Variants in TNKS observed in about 807,000 individuals in gnomAD.
The protein encoded by TNKS is poly [ADP-ribose] polymerase tankyrase-1.
In TNKS, 72 loss-of-function variants were observed where a neutral mutation model predicts 135.8. That is an observed-to-expected ratio of 0.53 (90% confidence interval 0.44 to 0.64). TNKS has a LOEUF of 0.64. Ranked by LOEUF, TNKS falls within the 30% of genes least tolerant of loss-of-function variation. The probability of loss-of-function intolerance (pLI) is 0.00; values close to 1 mark genes in which losing one functional copy is unlikely to be tolerated. For missense variants in TNKS, 1,769 were observed against 1,674.0 expected (o/e 1.06, Z -0.99); for synonymous variants, 849 against 649.3 (o/e 1.31, Z -4.68).
At position 9,663,155 on chromosome 8, in the gene TNKS, G is replaced by A. The variant is rs529662664; in HGVS notation, c.995-16796G>A. Among the ~76,000 whole-genome samples the A allele has an allele frequency of 7.9e-4, 120 of 152,284 alleles. 2 individuals carry two copies. The highest frequency in any genetic ancestry group is 2.8e-3 in the African/African-American group (115 of 41,552). ...CAAGGAAATGTGTTTTCCCCTAGAG[G>A]CTCCGAAGGAACACATCCCTGCTCA... On this transcript the variant is annotated intron_variant, in intron 3 of 26. Transcript: ENST00000310430.
chr8:9,667,215 A>C (rs1481533228), intron 3 of TNKS, among the ~76,000 whole-genome samples: 1 of 152,222 alleles, frequency 6.6e-6, no homozygotes, highest in African/African-American at 2.4e-5. Context: ...ATATTGAAAT[A>C]ATTATTTCAG....
intron 3 of TNKS, among the ~76,000 whole-genome samples, chr8:9,659,810 G>A (rs916935409): frequency 6.6e-6 from 1 of 151,870 alleles, no homozygotes; most frequent in Non-Finnish European, 1.5e-5. Flanking sequence ...TGGTTTTTTG[G>A]AAAGATCAAC....
chr8:9,747,253 C>G (rs571587029), intron 17 of TNKS, among the ~76,000 whole-genome samples: 1 of 140,162 alleles, frequency 7.1e-6, no homozygotes, highest in Non-Finnish European at 1.6e-5. Flanking sequence ...CAGATTCCCC[C>G]CTCCTTCCCC....
chr8:9,738,713 A>T (rs1239679271), intron 17 of TNKS, among the ~76,000 whole-genome samples: 106 of 65,920 alleles, frequency 1.6e-3, no homozygotes, highest in Non-Finnish European at 2.6e-3. Flanking sequence ...AGCGGCTTTG[A>T]GTGAGATTCT....
chr8:9,647,076 A>C (rs1450145030), intron 3 of TNKS, among the ~76,000 whole-genome samples: 2 of 152,202 alleles, frequency 1.3e-5, no homozygotes, highest in Admixed American at 6.5e-5. Flanking sequence ...AGAAAAGAGC[A>C]CTTGCTATCT....
chr8:9,688,662 CAG>C (rs1803121050), intron 5 of TNKS, among the ~76,000 whole-genome samples: 1 of 151,992 alleles, frequency 6.6e-6, no homozygotes, highest in Non-Finnish European at 1.5e-5. Flanking sequence ...TCTTTTGAGA[CAG>C]AGTCTTGCAC....
At chr8:9,752,004 G>A (rs1806570238) in intron 19 of TNKS, among the ~76,000 whole-genome samples, 158 bp downstream of exon 19, 1 of 152,144 alleles carries the variant, frequency 6.6e-6, no homozygotes, top group Non-Finnish European at 1.5e-5. Flanking sequence ...CTTCATAGAA[G>A]GCTGCCACGT....
chr8:9,622,414 C>T (rs755611067), intron 3 of TNKS, among the ~76,000 whole-genome samples: 5 of 152,096 alleles, frequency 3.3e-5, no homozygotes, highest in Non-Finnish European at 7.4e-5. Context: ...ATTTCAAGGG[C>T]GCTGAATCCT....
intron 3 of TNKS, among the ~76,000 whole-genome samples, chr8:9,667,938 A>AT (rs1461438323): frequency 2.0e-5 from 3 of 151,018 alleles, no homozygotes; most frequent in Non-Finnish European, 4.4e-5. Context: ...TGTTTACAAT[A>AT]TGCCAAGCAC....
chr8:9,582,825 A>G (rs571312167), intron 2 of TNKS, among the ~76,000 whole-genome samples: 1 of 152,270 alleles, frequency 6.6e-6, no homozygotes, highest in African/African-American at 2.4e-5. Context: ...CCTGTGTGGT[A>G]CAGAATTCCC....
intron 2 of TNKS, among the ~76,000 whole-genome samples, chr8:9,583,935 T>C (rs1267557127): frequency 9.9e-5 from 15 of 151,656 alleles, no homozygotes; most frequent in Non-Finnish European, 1.5e-5. Context: ...GAGGCCGAGA[T>C]GGGTGGATCA....
chr8:9,721,602 T>G (rs1804883187), intron 12 of TNKS, among the ~76,000 whole-genome samples: 1 of 150,896 alleles, frequency 6.6e-6, no homozygotes, highest in African/African-American at 2.4e-5. Context: ...CCTGGTTACT[T>G]TTTTCTACCT....
rs1431054781 is a variant in TNKS at position 9,708,458 on chromosome 8, A to C, written c.1544A>C (p.Asn515Thr). The change falls in exon 9 of 27, where the codon AAT (asparagine) becomes ACT (threonine). Residue 515 changes from asparagine to threonine, a missense_variant. By Grantham distance (65) the Asn-to-Thr change is moderately conservative. Coordinates refer to ENST00000310430, the MANE Select transcript of TNKS (RefSeq NM_003747.3). ...VKKTLALEII[N>T]FKQPQSHETA... ...AAAACACTCGCTCTGGAAATCATTA[A>C]TTTCAAACAACCGCAGTCTCATGAA... 3.1e-6 allele frequency: 5 copies of C among 1,609,108 alleles called. No homozygotes were observed. The South Asian group carries it at 4.4e-5, about 14-fold the overall frequency.
intron 3 of TNKS, among the ~76,000 whole-genome samples, chr8:9,647,235 G>T (rs536176825): frequency 6.6e-6 from 1 of 152,102 alleles, no homozygotes; most frequent in Non-Finnish European, 1.5e-5. Flanking sequence ...CACTTTTTGC[G>T]TAATGATTCT....
intron 11 of TNKS, among the ~76,000 whole-genome samples, chr8:9,710,764 C>A (rs773450914): frequency 1.3e-5 from 2 of 152,008 alleles, no homozygotes; most frequent in African/African-American, 4.8e-5. Context: ...GGCGTGGTGG[C>A]GGGTGCCTGT....
At chr8:9,728,377 G>T (rs916401485) in intron 13 of TNKS, among the ~76,000 whole-genome samples, 1 of 152,144 alleles carries the variant, frequency 6.6e-6, no homozygotes, top group Non-Finnish European at 1.5e-5. Flanking sequence ...TTTGCCATTC[G>T]AAAGAAAACT....
chr8:9,776,703 C>T lies in TNKS; in HGVS notation c.3951C>T (p.Ser1317=). The change falls in exon 27 of 27, where the codon TCC becomes TCT. Residue 1317 remains serine, a synonymous_variant. Coordinates refer to ENST00000310430, the MANE Select transcript of TNKS (RefSeq NM_003747.3). ...TYQIMKPEAP[S]QTATAAEQKT ...AGATCATGAAGCCAGAAGCCCCTTCCCAGACCGCAACAGCCGCAGAGCAGA... is the reference window on the plus strand; with the variant it reads ...AGATCATGAAGCCAGAAGCCCCTTCTCAGACCGCAACAGCCGCAGAGCAGA... 6.2e-7 allele frequency: 1 copy of T among 1,614,008 alleles called. No individual in the cohort carries two copies. Among genetic ancestry groups the T allele is most frequent in the South Asian group, 1.1e-5 (1 of 91,074 alleles).
At chr8:9,730,397 C>G (rs1805375559) in intron 13 of TNKS, among the ~76,000 whole-genome samples, 2 of 152,176 alleles carry the variant, frequency 1.3e-5, no homozygotes, top group Non-Finnish European at 2.9e-5. Context: ...TTGCTACAGT[C>G]AATCAAAAGA....
chr8:9,576,821 A>G (rs1797967772), intron 1 of TNKS, among the ~76,000 whole-genome samples: 1 of 152,156 alleles, frequency 6.6e-6, no homozygotes, highest in Non-Finnish European at 1.5e-5. Flanking sequence ...AGTTGACAAA[A>G]ATAATGTGAA....
Sources: allele counts gnomAD v4.1 joint callset (sites outside exome capture counted in the v4.1 genomes callset), GRCh38; gene constraint gnomAD v4.1.1; transcripts MANE v1.5; gene names NCBI Gene and HGNC (gene_info 2026-07-23, HGNC 2026-07-21).